STXBP5L: variants seen among roughly 807,000 people sequenced by gnomAD.
STXBP5L encodes the protein syntaxin-binding protein 5-like.
A neutral mutation model predicts 144.5 loss-of-function variants in STXBP5L; 65 were observed. The ratio of observed to expected loss-of-function variants is 0.45; its 90% confidence interval spans 0.37 to 0.55. The LOEUF is 0.55. STXBP5L is among the 20% of genes least tolerant of loss of function. The probability of loss-of-function intolerance (pLI) is 0.00; values close to 1 mark genes in which losing one functional copy is unlikely to be tolerated. For missense variants in STXBP5L, 1,298 were observed against 1,405.5 expected (o/e 0.92, Z 1.22); for synonymous variants, 505 against 469.6 (o/e 1.08, Z -0.97).
At chr3:121,316,829 T>A (rs1293367100) in intron 19 of STXBP5L, among the ~76,000 whole-genome samples, 1 of 152,206 alleles carries the variant, frequency 6.6e-6, no homozygotes, top group Non-Finnish European at 1.5e-5. Context: ...TCATTACAGT[T>A]CCTTTCTCTG....
At chr3:121,000,242 C>A (rs1943662533) in intron 3 of STXBP5L, among the ~76,000 whole-genome samples, 1 of 152,148 alleles carries the variant, frequency 6.6e-6, no homozygotes, top group Non-Finnish European at 1.5e-5. Context: ...CTTTCAGTGA[C>A]ACTAAGGAGT....
At chr3:120,921,045 A>C (rs1559873872) in intron 2 of STXBP5L, among the ~76,000 whole-genome samples, 1 of 151,608 alleles carries the variant, frequency 6.6e-6, no homozygotes, top group Non-Finnish European at 1.5e-5. Context: ...GTTTTGAGGA[A>C]CCTCCATACA....
chr3:121,038,216 C>G (rs1446219596), intron 3 of STXBP5L, among the ~76,000 whole-genome samples: 1 of 151,690 alleles, frequency 6.6e-6, no homozygotes, highest in East Asian at 1.9e-4. Flanking sequence ...TTTCTACCTT[C>G]TTAAGATGAA....
intron 9 of STXBP5L, among the ~76,000 whole-genome samples, chr3:121,186,501 G>A (rs71618039): frequency 0.62 from 94,158 of 151,174 alleles, 29,466 homozygotes; most frequent in East Asian, 0.79. Context: ...TTTGTAGCAT[G>A]AAGCATTGTT....
chr3:121,147,993 G>C (rs915030599), intron 7 of STXBP5L, among the ~76,000 whole-genome samples: 1 of 151,914 alleles, frequency 6.6e-6, no homozygotes, highest in Non-Finnish European at 1.5e-5. Context: ...ACTCAGACTG[G>C]CACACCATCA....
At chr3:121,164,152 C>T (rs2046418803) in intron 9 of STXBP5L, among the ~76,000 whole-genome samples, 1 of 152,096 alleles carries the variant, frequency 6.6e-6, no homozygotes, top group Non-Finnish European at 1.5e-5. Flanking sequence ...TAATCTTTTT[C>T]TATCTCTTTA....
intron 20 of STXBP5L, among the ~76,000 whole-genome samples, chr3:121,350,812 A>G (rs1005538977): frequency 1.3e-5 from 2 of 152,088 alleles, no homozygotes; most frequent in African/African-American, 4.8e-5. Context: ...CAGCTCCATC[A>G]GGTCCTTTAA....
chr3:121,257,037 CTG>C (rs111580324), intron 16 of STXBP5L, 122 bp from the exon 17 acceptor site: 5 of 682,118 alleles, frequency 7.3e-6, no homozygotes, highest in Non-Finnish European at 9.2e-6. Flanking sequence ...TTGAAAAAAA[CTG>C]TGTGAATGAT....
chr3:121,258,910 ACCATCCATCT>A (rs2050294714), intron 17 of STXBP5L, 123 bp from the exon 18 acceptor site: 10 of 791,756 alleles, frequency 1.3e-5, no homozygotes, highest in East Asian at 3.3e-5. Flanking sequence ...ACTAGAAGGC[ACCATCCATCT>A]GCATGCTGCC....
intron 3 of STXBP5L, among the ~76,000 whole-genome samples, chr3:120,967,711 A>G (rs1357227288): frequency 6.6e-6 from 1 of 152,074 alleles, no homozygotes; most frequent in Non-Finnish European, 1.5e-5. Context: ...AAGTCTTTCT[A>G]ATTTTTATGA....
chr3:121,018,708 G>A lies in STXBP5L; in HGVS notation c.288-22992G>A, dbSNP rs186271252. Among the ~76,000 whole-genome samples, 928 of 152,186 alleles carry A rather than the reference G, an allele frequency of 6.1e-3. 7 individuals carry two copies. The highest frequency in any genetic ancestry group is 0.013 in the Admixed American group (200 of 15,284). ...TAGGTACAATAGTAAGAAAAGAATC[G>A]GTAACTTGGATTTTATTAAAATAAG... On this transcript the variant is annotated intron_variant, in intron 3 of 26. Transcript: ENST00000471454.
In STXBP5L at chr3:120,909,692, T is replaced by G. The variant is rs768158902; in HGVS notation, c.114T>G (p.His38Gln). 8.1e-6 allele frequency: 13 copies of G among 1,612,820 alleles called. No homozygotes were observed. In the East Asian group the frequency reaches 2.9e-4, roughly 36 times the overall value. The change falls in exon 2 of 27, where the codon CAT becomes CAG. Residue 38 changes from histidine (H) to glutamine (Q), a missense_variant. His to Gln is a conservative substitution (Grantham distance 24). Coordinates refer to ENST00000471454, the MANE Select transcript of STXBP5L (RefSeq NM_001308330.2). ...SGGGAGSGSV[H>Q]PAGTAGVLRE... The stretch of plus-strand genomic sequence containing the variant: ...GTGGGGCTGGAAGTGGTTCCGTACA[T>G]CCGGCGGGGACTGCAGGGGTTCTCA...
chr3:121,030,672 G>A (rs1576714085), intron 3 of STXBP5L, among the ~76,000 whole-genome samples: 1 of 152,008 alleles, frequency 6.6e-6, no homozygotes, highest in Non-Finnish European at 1.5e-5. Flanking sequence ...AGTACTTAAA[G>A]TATAAAAAAC....
In STXBP5L at chr3:121,240,999, A is replaced by T. The variant is rs182929687; in HGVS notation, c.1400+492A>T. ...TAAATATGAGATTTAAAAAGTAATT[A>T]AGGGATCTGCTAATGGGAAGATAGA... On this transcript the variant is annotated intron_variant, in intron 14 of 26. Transcript: ENST00000471454. Among the ~76,000 whole-genome samples, 493 of 152,338 alleles carry T rather than the reference A, an allele frequency of 3.2e-3. 2 individuals are homozygous for T. The highest frequency in any genetic ancestry group is 0.011 in the African/African-American group (471 of 41,582).
intron 3 of STXBP5L, among the ~76,000 whole-genome samples, chr3:120,973,533 T>A (rs1403893571): frequency 6.6e-6 from 1 of 151,982 alleles, no homozygotes; most frequent in Non-Finnish European, 1.5e-5. Flanking sequence ...AACTTTTCAT[T>A]TCTTTGATTC....
chr3:121,267,499 G>T (rs2050604299), intron 18 of STXBP5L, among the ~76,000 whole-genome samples: 1 of 152,124 alleles, frequency 6.6e-6, no homozygotes, highest in Admixed American at 6.6e-5. Context: ...ACATAGGCAT[G>T]GGCAAAGACT....
chr3:120,935,868 A>G (rs1303997510), intron 2 of STXBP5L, among the ~76,000 whole-genome samples: 1 of 151,750 alleles, frequency 6.6e-6, no homozygotes, highest in Non-Finnish European at 1.5e-5. Flanking sequence ...TGTTTATCCT[A>G]TTTGGTGAGC....
intron 10 of STXBP5L, among the ~76,000 whole-genome samples, chr3:121,211,225 CTCTG>C (rs761227579): frequency 4.6e-5 from 7 of 152,076 alleles, no homozygotes; most frequent in Admixed American, 6.6e-5. Context: ...CGATTTGGCT[CTCTG>C]TCTGTTATTG....
At chr3:121,020,964 G>A (rs914936531) in intron 3 of STXBP5L, among the ~76,000 whole-genome samples, 2 of 151,954 alleles carry the variant, frequency 1.3e-5, no homozygotes, top group African/African-American at 4.8e-5. Context: ...CCACTTGAAA[G>A]ATATAGAGTG....
Sources: gnomAD v4.1 joint callset for allele counts (sites outside exome capture counted in the v4.1 genomes callset) on GRCh38, gnomAD v4.1.1 for gene constraint, MANE v1.5 for transcripts, NCBI Gene and HGNC (gene_info 2026-07-23, HGNC 2026-07-21) for gene names.